TYW1: variants seen among roughly 807,000 people sequenced by gnomAD.
The protein encoded by TYW1 is S-adenosyl-L-methionine-dependent tRNA 4-demethylwyosine synthase TYW1.
A neutral mutation model predicts 96.2 loss-of-function variants in TYW1; 46 were observed. That is an observed-to-expected ratio of 0.48 (90% CI 0.38 to 0.61). TYW1 has a LOEUF of 0.61. Among genes scored for constraint, TYW1 ranks in the 20% least tolerant of loss-of-function variants. The pLI, the probability that TYW1 is intolerant of heterozygous loss-of-function variation, is 0.00. For synonymous variants in TYW1, 274 were observed against 323.0 expected (o/e 0.85, Z 1.63); for missense variants, 684 against 909.6 (o/e 0.75, Z 3.19).
intron 13 of TYW1, among the ~76,000 whole-genome samples, chr7:67,148,425 ATTTTTTTT>A (rs34723740): frequency 9.1e-6 from 1 of 109,398 alleles, no homozygotes; most frequent in Admixed American, 1.1e-4. Context: ...CTTGAAAGTG[ATTTTTTTT>A]TTTTTTTTTT....
chr7:67,024,390 C>A (rs559012350), intron 6 of TYW1, among the ~76,000 whole-genome samples: 1 of 152,202 alleles, frequency 6.6e-6, no homozygotes, highest in East Asian at 1.9e-4. Flanking sequence ...TGGTTTCAAA[C>A]TCCTGAGGTT....
At chr7:67,002,076 C>T (rs575930101) in intron 3 of TYW1, among the ~76,000 whole-genome samples, 4 of 151,146 alleles carry the variant, frequency 2.6e-5, no homozygotes, top group African/African-American at 9.7e-5. Context: ...GAGATAGGGT[C>T]TTGCTCTGTT....
intron 10 of TYW1, among the ~76,000 whole-genome samples, chr7:67,082,422 C>A (rs1719353423): frequency 6.6e-6 from 1 of 152,150 alleles, no homozygotes; most frequent in Non-Finnish European, 1.5e-5. Flanking sequence ...CCTATGAGTG[C>A]CTCACTGGCC....
rs10600752 is a variant in TYW1, at chr7:67,225,190, CAAAA to C, written c.1978-13097_1978-13094del. Among the ~76,000 whole-genome samples the C allele has an allele frequency of 9.1e-3, 713 of 78,032 alleles. 3 individuals are homozygous for C. Among genetic ancestry groups the C allele is most frequent in the Admixed American group, 0.015 (101 of 6,900 alleles). 51.2% of individuals were successfully genotyped at this position (78,032 alleles called of 152,430 possible). On this transcript the variant is annotated intron_variant, in intron 15 of 15. Transcript: ENST00000359626. ...TGGATGACAGAGCAAGACTCCGTCT[CAAAA>C]AAAAAAAAAAAAAAAAAAAAGTAGA...
rs529870707 is a variant in TYW1 at position 67,220,867 on chromosome 7, A to G, written c.1978-17441A>G. ...ATTCTTCTGCCTCAGCCCCCCGAGT[A>G]GCTGGGATTACAGGCATGTGCCACC... On this transcript the variant is annotated intron_variant, in intron 15 of 15. Coordinates refer to ENST00000359626, the MANE Select transcript of TYW1 (RefSeq NM_018264.4). Among the ~76,000 whole-genome samples the G allele has an allele frequency of 1.1e-4, 17 of 151,474 alleles. 1 individual carries two copies. In the South Asian group the frequency reaches 3.6e-3, roughly 32 times the overall value.
intron 3 of TYW1, among the ~76,000 whole-genome samples, chr7:67,001,587 A>T (rs1793391287): frequency 6.6e-6 from 1 of 151,404 alleles, no homozygotes; most frequent in African/African-American, 2.4e-5. Flanking sequence ...ATGCCCAGCT[A>T]GTTTTTGTAT....
At chr7:67,084,698 G>C (rs1417245045) in intron 11 of TYW1, among the ~76,000 whole-genome samples, 1 of 151,860 alleles carries the variant, frequency 6.6e-6, no homozygotes, top group Non-Finnish European at 1.5e-5. Flanking sequence ...AATTTTTTGT[G>C]AAGATGGGGT....
chr7:67,176,074 T>A (rs1799663399), intron 13 of TYW1, among the ~76,000 whole-genome samples: 1 of 152,196 alleles, frequency 6.6e-6, no homozygotes. Context: ...ACAGTCAGCT[T>A]ACAAAAATCA....
Position 67,230,118 on chromosome 7 carries a change from A to C in TYW1, c.1978-8190A>C, listed in dbSNP as rs1259953128. Reference sequence around the variant, plus strand: ...CCTCCAATTTGAATCTTGGCCCTCTACTTCCTTAGGATATGGCCTAAGCAC... The same window carrying C: ...CCTCCAATTTGAATCTTGGCCCTCTCCTTCCTTAGGATATGGCCTAAGCAC... On this transcript the variant is annotated intron_variant, in intron 15 of 15. Transcript: ENST00000359626. Among the ~76,000 whole-genome samples, 3 of 150,476 alleles carry C rather than the reference A, an allele frequency of 2.0e-5. No individual in the cohort carries two copies. In the South Asian group the frequency reaches 6.3e-4, roughly 32 times the overall value.
intron 13 of TYW1, among the ~76,000 whole-genome samples, chr7:67,129,953 A>G (rs2116046887): frequency 6.6e-6 from 1 of 152,330 alleles, no homozygotes; most frequent in African/African-American, 2.4e-5. Flanking sequence ...AACCATCTTT[A>G]AAGTACAGAT....
intron 15 of TYW1, among the ~76,000 whole-genome samples, chr7:67,237,047 G>A (rs1169204408): frequency 5.9e-5 from 9 of 152,032 alleles, no homozygotes; most frequent in Non-Finnish European, 1.2e-4. Context: ...CACCACGCCT[G>A]GCTAATTTTT....
intron 12 of TYW1, among the ~76,000 whole-genome samples, chr7:67,100,522 G>A (rs913210574): frequency 2.0e-5 from 3 of 151,664 alleles, no homozygotes; most frequent in Non-Finnish European, 2.9e-5. Flanking sequence ...AGTTTGTTTC[G>A]TAAACACTGG....
chr7:67,215,995 A>G (rs1584707034), intron 15 of TYW1, among the ~76,000 whole-genome samples: 1 of 144,474 alleles, frequency 6.9e-6, no homozygotes, highest in Non-Finnish European at 1.5e-5. Context: ...CAGGATTAAT[A>G]CTTTGTGTCC....
intron 11 of TYW1, among the ~76,000 whole-genome samples, chr7:67,086,794 A>G (rs1427713308): frequency 6.6e-6 from 1 of 152,230 alleles, no homozygotes; most frequent in Non-Finnish European, 1.5e-5. Flanking sequence ...AACATCCAGA[A>G]TAATGGCTGA....
intron 14 of TYW1, among the ~76,000 whole-genome samples, chr7:67,187,344 G>GTAAT (rs1161376371): frequency 2.0e-5 from 3 of 152,036 alleles, no homozygotes; most frequent in African/African-American, 7.3e-5. Context: ...GATTACAGGC[G>GTAAT]TGAGCCACCA....
rs1379200252 is a variant in TYW1, at chr7:67,196,444, C to T, written c.1977+1107C>T. On this transcript the variant is annotated intron_variant, in intron 15 of 15. Coordinates refer to ENST00000359626, the MANE Select transcript of TYW1 (RefSeq NM_018264.4). ...TCTCATTCATGTTGCCTTGTCTTCT[C>T]CAGTGCCTTGTTACCTGTGATTGCA... is the stretch of plus-strand genomic sequence containing the variant. Among the ~76,000 whole-genome samples, 3 of 150,418 alleles carry T rather than the reference C, an allele frequency of 2.0e-5. No homozygotes were observed. The East Asian group carries it at 5.8e-4, about 29-fold the overall frequency.
At chr7:67,229,046 A>T (rs1801658951) in intron 15 of TYW1, among the ~76,000 whole-genome samples, 1 of 152,188 alleles carries the variant, frequency 6.6e-6, no homozygotes, top group Admixed American at 6.5e-5. Flanking sequence ...GAAGGGATGG[A>T]AGCTTGTAAA....
chr7:67,192,575 A>G (rs1430277666), intron 14 of TYW1, among the ~76,000 whole-genome samples: 1 of 152,168 alleles, frequency 6.6e-6, no homozygotes, highest in Non-Finnish European at 1.5e-5. Flanking sequence ...GCTTATCAAT[A>G]AATAATTTTC....
intron 6 of TYW1, among the ~76,000 whole-genome samples, chr7:67,023,083 TTTTAA>T (rs1181873517): frequency 6.6e-6 from 1 of 152,152 alleles, no homozygotes. Context: ...ATTTTGTTTC[TTTTAA>T]TTTAATTTTT....
Sources: allele counts gnomAD v4.1 joint callset (sites outside exome capture counted in the v4.1 genomes callset), GRCh38; gene constraint gnomAD v4.1.1; transcripts MANE v1.5; gene names NCBI Gene and HGNC (gene_info 2026-07-23, HGNC 2026-07-21).